ABCA13: variants seen among roughly 807,000 people sequenced by gnomAD.
ABCA13 encodes the protein ATP binding cassette subfamily A member 13, also known as ATP-binding cassette sub-family A member 13.
In ABCA13, 476 loss-of-function variants were observed where a neutral mutation model predicts 478.7. That is an observed-to-expected ratio of 0.99 (90% CI 0.92 to 1.07). ABCA13 has a LOEUF of 1.07. ABCA13 is among the 50% of genes least tolerant of loss of function. The probability of loss-of-function intolerance (pLI) is 0.00; values close to 1 mark genes in which losing one functional copy is unlikely to be tolerated. For missense variants in ABCA13, 6,060 were observed against 5,910.6 expected (o/e 1.03, Z -0.83); for synonymous variants, 2,252 against 2,158.9 (o/e 1.04, Z -1.20).
chr7:48,372,407 TA>T lies in ABCA13; in HGVS notation c.11044del (p.Thr3682ProfsTer6). ...FSQANTAALC[T>X]SLVYMISFLP... is the part of the protein sequence containing the mutation. The stretch of plus-strand genomic sequence containing the variant: ...GCCAAGCTAATACAGCGGCCCTTTG[TA>T]CCAGCCTGGTGTACATGATCAGCTT... On this transcript the variant is annotated frameshift_variant, in exon 33 of 62. Coordinates refer to ENST00000435803, the MANE Select transcript of ABCA13 (RefSeq NM_152701.5). LOFTEE classifies it high-confidence loss of function. 6.2e-7 allele frequency: 1 copy of T among 1,613,916 alleles called. No homozygotes were observed. The highest frequency in any genetic ancestry group is 8.5e-7 in the Non-Finnish European group (1 of 1,179,852).
chr7:48,644,088 A>G (rs913615565), intron 60 of ABCA13, among the ~76,000 whole-genome samples: 1 of 152,198 alleles, frequency 6.6e-6, no homozygotes, highest in African/African-American at 2.4e-5. Flanking sequence ...GTGAAATCCT[A>G]CTATGCAAGA....
chr7:48,212,737 A>T (rs769430819), intron 3 of ABCA13, among the ~76,000 whole-genome samples: 2 of 152,040 alleles, frequency 1.3e-5, no homozygotes, highest in Non-Finnish European at 2.9e-5. Flanking sequence ...ATATTTTTTG[A>T]GGAAAGTGTC....
intron 55 of ABCA13, among the ~76,000 whole-genome samples, chr7:48,555,628 T>C (rs1785739948): frequency 2.0e-5 from 3 of 151,950 alleles, no homozygotes; most frequent in Non-Finnish European, 4.4e-5. Context: ...TAGCCACTAA[T>C]GATCCTTTGA....
At chr7:48,468,258 G>A (rs908125904) in intron 44 of ABCA13, among the ~76,000 whole-genome samples, 9 of 152,078 alleles carry the variant, frequency 5.9e-5, no homozygotes. Context: ...TTTTACATGG[G>A]TTGCAGTAGA....
chr7:48,188,575 C>A (rs926763088), intron 1 of ABCA13, among the ~76,000 whole-genome samples: 1 of 151,270 alleles, frequency 6.6e-6, no homozygotes, highest in Non-Finnish European at 1.5e-5. Flanking sequence ...TTTTTTTTTA[C>A]GTTTTGGTAG....
At chr7:48,289,741 C>CA (rs1382144905) in intron 20 of ABCA13, among the ~76,000 whole-genome samples, 2 of 151,518 alleles carry the variant, frequency 1.3e-5, no homozygotes, top group African/African-American at 2.5e-5. Context: ...GCAACTGACT[C>CA]AAAGACTGTA....
intron 23 of ABCA13, among the ~76,000 whole-genome samples, chr7:48,301,391 C>A (rs2128855661): frequency 6.6e-6 from 1 of 152,142 alleles, no homozygotes; most frequent in South Asian, 2.1e-4. Context: ...GGAGAGATTC[C>A]TTTTAGGAGT....
At position 48,645,763 on chromosome 7, in the gene ABCA13, C is replaced by T. The variant is rs977587557; in HGVS notation, c.*251C>T. ...TTCTCTTTACCATGCCAGATGGACA[C>T]CAGCTTCTTTGTGACAAAGGCATGA... On this transcript the variant is annotated 3_prime_UTR_variant, in exon 62 of 62. Transcript: ENST00000435803. 4 of 409,394 alleles carry T rather than the reference C, an allele frequency of 9.8e-6. No individual in the cohort carries two copies. Among genetic ancestry groups the T allele is most frequent in the South Asian group, 2.6e-5 (1 of 38,166 alleles). 25.4% of individuals were successfully genotyped at this position (409,394 alleles called of 1,614,324 possible). A position where few individuals can be genotyped will look rare whatever the true frequency, so the allele number is the denominator to read the frequency against.
chr7:48,536,099 A>G (rs1304579843), intron 55 of ABCA13, among the ~76,000 whole-genome samples: 1 of 152,310 alleles, frequency 6.6e-6, no homozygotes, highest in Non-Finnish European at 1.5e-5. Flanking sequence ...GAGTCTTCAC[A>G]TGCAGCTGTC....
At chr7:48,288,600 G>A (rs970915361) in intron 20 of ABCA13, among the ~76,000 whole-genome samples, 7 of 152,050 alleles carry the variant, frequency 4.6e-5, no homozygotes, top group Non-Finnish European at 1.0e-4. Context: ...CCATGCAGGA[G>A]CTTTTGCACC....
intron 6 of ABCA13, among the ~76,000 whole-genome samples, chr7:48,228,373 G>T (rs979007600): frequency 2.0e-5 from 3 of 152,310 alleles, no homozygotes; most frequent in African/African-American, 7.2e-5. Flanking sequence ...CCAGATCATG[G>T]TCAAGCCTCT....
Position 48,354,989 on chromosome 7 carries a change from C to T in ABCA13, c.10688+2502C>T, listed in dbSNP as rs145500506. Among the ~76,000 whole-genome samples the T allele has an allele frequency of 4.2e-3, 625 of 147,728 alleles. 17 individuals are homozygous for T. Among genetic ancestry groups the T allele is most frequent in the African/African-American group, 0.014 (578 of 40,618 alleles). ...TCAATGACTTTTATGTACTATTTGT[C>T]AGTCTCTAGACTGAATAAGTAAAGA... is the stretch of plus-strand genomic sequence containing the variant. On this transcript the variant is annotated intron_variant, in intron 31 of 61. Transcript: ENST00000435803.
At chr7:48,308,457 G>A (rs1801239323) in intron 23 of ABCA13, among the ~76,000 whole-genome samples, 1 of 152,062 alleles carries the variant, frequency 6.6e-6, no homozygotes, top group Non-Finnish European at 1.5e-5. Context: ...TCACTATTAT[G>A]TACTGTACAT....
chr7:48,593,859 G>A (rs1472650958), intron 57 of ABCA13, among the ~76,000 whole-genome samples: 1 of 151,530 alleles, frequency 6.6e-6, no homozygotes, highest in African/African-American at 2.4e-5. Context: ...TTATTTGGCA[G>A]GTTTTTTTTC....
At chr7:48,443,777 C>T (rs1379485702) in intron 42 of ABCA13, among the ~76,000 whole-genome samples, 1 of 152,178 alleles carries the variant, frequency 6.6e-6, no homozygotes, top group Non-Finnish European at 1.5e-5. Context: ...CCTCCTCCCA[C>T]TCCCATTGGA....
At chr7:48,239,020 C>G (rs1487818136) in intron 8 of ABCA13, among the ~76,000 whole-genome samples, 1 of 152,092 alleles carries the variant, frequency 6.6e-6, no homozygotes, top group Non-Finnish European at 1.5e-5. Context: ...CCTGGAGAAA[C>G]AGCTGTTCCT....
In ABCA13 at chr7:48,367,802, A is replaced by G; in HGVS notation, c.10697A>G (p.Asn3566Ser). The G allele has an allele frequency of 6.4e-7, 1 of 1,562,566 alleles. No homozygotes were observed. The highest frequency in any genetic ancestry group is 1.4e-5 in the African/African-American group (1 of 73,932). Residue 3566 changes from asparagine to serine, a missense_variant, in exon 32 of 62, where the codon AAC becomes AGC. By Grantham distance (46) the Asn-to-Ser change is conservative (BLOSUM62 1). Around this residue, in one of 3 missense-constraint regions of ABCA13, gnomAD observed 4,423 missense variants for 4,309.1 expected, o/e 1.03. Transcript: ENST00000435803. ...GAATTATCCCCTTACAGATTCCTGAACAACGTTGGTTTCTTTTTTCCACTG... is the reference window on the plus strand; with the variant it reads ...GAATTATCCCCTTACAGATTCCTGAGCAACGTTGGTTTCTTTTTTCCACTG... ...YPCHTSDLFL[N>S]NVGFFFPLIM...
intron 8 of ABCA13, among the ~76,000 whole-genome samples, chr7:48,234,389 T>A (rs577428296): frequency 6.6e-6 from 1 of 152,254 alleles, no homozygotes; most frequent in African/African-American, 2.4e-5. Flanking sequence ...TTAGAAATAA[T>A]ATGACACTTG....
intron 55 of ABCA13, among the ~76,000 whole-genome samples, chr7:48,579,049 G>A (rs1788454120): frequency 6.6e-6 from 1 of 152,142 alleles, no homozygotes. Flanking sequence ...AATAACATAG[G>A]ATAAAATCTA....
Sources: allele counts gnomAD v4.1 joint callset (sites outside exome capture counted in the v4.1 genomes callset), GRCh38; gene constraint gnomAD v4.1.1; regional missense constraint gnomAD v4.1.1; transcripts MANE v1.5; gene names NCBI Gene and HGNC (gene_info 2026-07-23, HGNC 2026-07-21).